The following DSE variants were observed in gnomAD, a reference collection of about 807,000 sequenced individuals.
The protein encoded by DSE is dermatan sulfate epimerase.
A neutral mutation model predicts 84.4 loss-of-function variants in DSE; 36 were observed. The ratio of observed to expected loss-of-function variants is 0.43; its 90% CI spans 0.33 to 0.56. The LOEUF is 0.56. Ranked by LOEUF, DSE falls within the 20% of genes least tolerant of loss-of-function variation. The pLI, the probability that DSE is intolerant of heterozygous loss-of-function variation, is 0.06. For missense variants in DSE, 862 were observed against 1,169.6 expected, an observed-to-expected ratio of 0.74 and a Z score of 3.84; for synonymous variants, 410 against 430.1, an observed-to-expected ratio of 0.95 and a Z score of 0.58.
chr6:116,340,670 G>A (rs1330871719), intron 2 of DSE, among the ~76,000 whole-genome samples: 1 of 151,524 alleles, frequency 6.6e-6, no homozygotes, highest in Non-Finnish European at 1.5e-5. Context: ...CCTGGTGTGT[G>A]ATGTTCCCCG....
At chr6:116,372,079 A>C (rs992084724) in intron 1 of DSE, among the ~76,000 whole-genome samples, 1 of 152,214 alleles carries the variant, frequency 6.6e-6, no homozygotes, top group Non-Finnish European at 1.5e-5. Flanking sequence ...ATGGTTTAGC[A>C]CTGTTAATTA....
At chr6:116,314,898 T>C (rs552646085) in intron 2 of DSE, among the ~76,000 whole-genome samples, 1 of 152,306 alleles carries the variant, frequency 6.6e-6, no homozygotes, top group East Asian at 1.9e-4. Context: ...AAATAAAAGC[T>C]CCATTTAGCA....
At position 116,399,635 on chromosome 6, in the gene DSE, T is replaced by C; in HGVS notation, c.385T>C (p.Tyr129His). 6.2e-7 allele frequency: 1 copy of C among 1,614,012 alleles called. No individual in the cohort carries two copies. The highest frequency in any genetic ancestry group is 1.1e-5 in the South Asian group (1 of 91,078). The change falls in exon 2 of 6, where the codon TAC becomes CAC. Residue 129 changes from tyrosine to histidine, a missense_variant. By Grantham distance (83) the Tyr-to-His change is moderately conservative. Coordinates refer to ENST00000644252, the MANE Select transcript of DSE (RefSeq NM_013352.4). ...NIEARDMAKDYMERMAAQPSW... is the reference protein window; with the variant it reads ...NIEARDMAKDHMERMAAQPSW... ...TGAAGCCCGAGACATGGCCAAAGAC[T>C]ACATGGAGAGGATGGCAGCGCAGCC...
Position 116,436,896 on chromosome 6 carries a change from C to T in DSE, c.2428C>T (p.Arg810Ter). 1.2e-6 allele frequency: 2 copies of T among 1,614,004 alleles called. No homozygotes were observed. The highest frequency in any genetic ancestry group is 1.7e-6 in the Non-Finnish European group (2 of 1,180,006). Residue 810 changes from arginine (R) to a stop codon, truncating the protein, a stop_gained, in exon 6 of 6, where the codon CGA becomes TGA. Transcript: ENST00000644252. LOFTEE classifies it high-confidence loss of function. ...GCAGCAAAGCAAGTCAAAGAAAAAC[C>T]GAAGGGCAGGCAAACGCTATAAATT... ...QQQQSKSKKN[R>*]RAGKRYKFVD...
chr6:116,290,650 A>G (rs1311981149), intron 2 of DSE, among the ~76,000 whole-genome samples: 1 of 152,182 alleles, frequency 6.6e-6, no homozygotes, highest in East Asian at 1.9e-4. Flanking sequence ...AAGGTTTGTT[A>G]TCAGGAAATA....
At chr6:116,342,896 C>G (rs1777699487) in intron 2 of DSE, among the ~76,000 whole-genome samples, 1 of 152,158 alleles carries the variant, frequency 6.6e-6, no homozygotes, top group South Asian at 2.1e-4. Flanking sequence ...CTTTCCTAGC[C>G]AAGGAAAGCC....
At chr6:116,354,609 A>G (rs1337108040) in intron 2 of DSE, among the ~76,000 whole-genome samples, 1 of 152,148 alleles carries the variant, frequency 6.6e-6, no homozygotes, top group Non-Finnish European at 1.5e-5. Context: ...GCTTTTGGTG[A>G]GGTGATTTAT....
intron 2 of DSE, among the ~76,000 whole-genome samples, chr6:116,346,694 A>C (rs143342467): frequency 0.2 from 30,515 of 152,106 alleles, 3,336 homozygotes; most frequent in East Asian, 0.29. Flanking sequence ...GAAGCATTCC[A>C]TTTGAAAACT....
chr6:116,360,014 G>T (rs9488911), intron 2 of DSE, among the ~76,000 whole-genome samples: 1 of 152,100 alleles, frequency 6.6e-6, no homozygotes, highest in Non-Finnish European at 1.5e-5. Context: ...ATTACACCAT[G>T]GAATACTATG....
At chr6:116,312,777 A>T (rs954811073) in intron 2 of DSE, among the ~76,000 whole-genome samples, 11 of 151,976 alleles carry the variant, frequency 7.2e-5, no homozygotes, top group African/African-American at 2.6e-4. Context: ...AAATATATAT[A>T]TTTTTATTTT....
Position 116,338,547 on chromosome 6 carries a change from A to C in DSE, c.-53-60651A>C, listed in dbSNP as rs1777404143. On this transcript the variant is annotated intron_variant, in intron 2 of 3. Transcript: ENST00000430252. The stretch of plus-strand genomic sequence containing the variant: ...CCTACTATGCATCCTTTCACAGTGA[A>C]ATTTTTTAAATGTGGATCTCATGAA... 2.0e-5 allele frequency among the ~76,000 whole-genome samples: 3 copies of C among 152,022 alleles called. No individual in the cohort carries two copies. In the South Asian group the frequency reaches 6.2e-4, roughly 32 times the overall value.
chr6:116,402,750 A>G (rs1781674743), intron 2 of DSE, among the ~76,000 whole-genome samples: 1 of 152,152 alleles, frequency 6.6e-6, no homozygotes, highest in Non-Finnish European at 1.5e-5. Context: ...TAAAACGTTC[A>G]TTGATGCTCC....
chr6:116,262,132 C>A (rs1358777717), intron 2 of DSE, among the ~76,000 whole-genome samples: 3 of 152,190 alleles, frequency 2.0e-5, no homozygotes, highest in Non-Finnish European at 4.4e-5. Context: ...GGAGGATTCC[C>A]TCCTTTTCAT....
At chr6:116,393,823 CT>C (rs1310987788) in intron 1 of DSE, among the ~76,000 whole-genome samples, 1 of 152,322 alleles carries the variant, frequency 6.6e-6, no homozygotes, top group Admixed American at 6.5e-5. Context: ...CATCCTTATA[CT>C]TTCTCTGTTT....
chr6:116,432,090 A>G (rs961149045), intron 4 of DSE, among the ~76,000 whole-genome samples: 1 of 152,256 alleles, frequency 6.6e-6, no homozygotes, highest in African/African-American at 2.4e-5. Flanking sequence ...GTTTAGACTT[A>G]CATTCAAAAA....
chr6:116,361,366 AG>A (rs1702464216), intron 2 of DSE, among the ~76,000 whole-genome samples: 1 of 152,154 alleles, frequency 6.6e-6, no homozygotes, highest in Non-Finnish European at 1.5e-5. Flanking sequence ...GCCGAATATA[AG>A]TTTTAACATC....
chr6:116,434,893 G>A (rs1038822561), intron 5 of DSE, among the ~76,000 whole-genome samples: 1 of 152,138 alleles, frequency 6.6e-6, no homozygotes, highest in African/African-American at 2.4e-5. Flanking sequence ...AAAATAAGAA[G>A]TCATTTATTG....
chr6:116,346,703 C>G (rs1028955854), intron 2 of DSE, among the ~76,000 whole-genome samples: 1 of 152,152 alleles, frequency 6.6e-6, no homozygotes, highest in African/African-American at 2.4e-5. Flanking sequence ...CATTTGAAAA[C>G]TAGCACAAGA....
intron 2 of DSE, among the ~76,000 whole-genome samples, chr6:116,325,128 A>G (rs1372252210): frequency 6.6e-6 from 1 of 152,220 alleles, no homozygotes; most frequent in African/African-American, 2.4e-5. Context: ...GTCTGGTGGC[A>G]TCATAGGAGT....
Sources: gnomAD v4.1 joint callset for allele counts (sites outside exome capture counted in the v4.1 genomes callset) on GRCh38, gnomAD v4.1.1 for gene constraint, MANE v1.5 for transcripts, NCBI Gene and HGNC (gene_info 2026-07-23, HGNC 2026-07-21) for gene names.